AFF3: variants seen among roughly 807,000 people sequenced by gnomAD.
AFF3 encodes the protein AF4/FMR2 family member 3.
A neutral mutation model predicts 129.7 loss-of-function variants in AFF3; 32 were observed. That is an observed-to-expected ratio of 0.25 (90% CI 0.19 to 0.33). The LOEUF is 0.33. AFF3 is among the 10% of genes least tolerant of loss of function. The pLI, the probability that AFF3 is intolerant of heterozygous loss-of-function variation, is 1.00. For synonymous variants in AFF3, 644 were observed against 635.4 expected (o/e 1.01, Z -0.20); for missense variants, 1,373 against 1,592.0 (o/e 0.86, Z 2.34).
intron 13 of AFF3, among the ~76,000 whole-genome samples, chr2:99,604,043 C>T (rs1013383788): frequency 1.6e-4 from 24 of 152,234 alleles, no homozygotes; most frequent in African/African-American, 5.1e-4. Flanking sequence ...ATTAGTTCAA[C>T]CATTGTGGAA....
intron 4 of AFF3, among the ~76,000 whole-genome samples, chr2:100,092,496 C>T (rs1689942855): frequency 6.6e-6 from 1 of 152,202 alleles, no homozygotes; most frequent in Non-Finnish European, 1.5e-5. Flanking sequence ...TTTTGCTCCC[C>T]TGCTTAAAGC....
intron 20 of AFF3, among the ~76,000 whole-genome samples, chr2:99,563,774 C>T (rs1377939428): frequency 2.4e-5 from 3 of 127,216 alleles, no homozygotes; most frequent in Admixed American, 9.5e-5. Context: ...TGTGCCATTG[C>T]ACTCCAGCCT....
intron 8 of AFF3, among the ~76,000 whole-genome samples, chr2:99,807,096 C>A (rs148830346): frequency 2.0e-5 from 3 of 152,302 alleles, no homozygotes; most frequent in Admixed American, 6.5e-5. Context: ...CAGGGCTATC[C>A]CTTGCATTCA....
intron 7 of AFF3, among the ~76,000 whole-genome samples, chr2:99,924,013 T>G (rs775817350): frequency 2.0e-5 from 3 of 152,134 alleles, no homozygotes; most frequent in Non-Finnish European, 2.9e-5. Context: ...CTTAATGCAG[T>G]CTACTGGGAG....
At chr2:99,572,943 G>C (rs545428433) in intron 18 of AFF3, among the ~76,000 whole-genome samples, 1 of 152,088 alleles carries the variant, frequency 6.6e-6, no homozygotes, top group Non-Finnish European at 1.5e-5. Context: ...CCCTGGAACC[G>C]GGCTTCTCCC....
intron 22 of AFF3, among the ~76,000 whole-genome samples, chr2:99,557,763 G>A (rs11890008): frequency 0.086 from 13,127 of 152,168 alleles, 1,898 homozygotes; most frequent in African/African-American, 0.3. Context: ...ATGCACAATT[G>A]GAAGGCAGTG....
chr2:100,136,520 G>T (rs997096270), intron 1 of AFF3, among the ~76,000 whole-genome samples: 8 of 152,172 alleles, frequency 5.3e-5, no homozygotes, highest in African/African-American at 1.9e-4. Flanking sequence ...TGAAATTACT[G>T]ATTTGAAAAG....
At chr2:99,807,725 A>T (rs180818656) in intron 8 of AFF3, among the ~76,000 whole-genome samples, 1 of 152,300 alleles carries the variant, frequency 6.6e-6, no homozygotes, top group East Asian at 1.9e-4. Context: ...TAGCAGGGGG[A>T]CCAGGCACAG....
At chr2:99,600,680 T>TA (rs773110272) in intron 14 of AFF3, among the ~76,000 whole-genome samples, 17 of 152,210 alleles carry the variant, frequency 1.1e-4, no homozygotes, top group Non-Finnish European at 2.4e-4. Context: ...GTTTAGAAAT[T>TA]AGAGTCTACC....
intron 7 of AFF3, among the ~76,000 whole-genome samples, chr2:99,921,455 T>C (rs774950829): frequency 1.2e-4 from 18 of 152,126 alleles, no homozygotes; most frequent in Non-Finnish European, 1.8e-4. Flanking sequence ...GGGAAAATTG[T>C]TGAAATCCAA....
At chr2:99,932,665 T>C (rs1674137408) in intron 7 of AFF3, among the ~76,000 whole-genome samples, 1 of 152,220 alleles carries the variant, frequency 6.6e-6, no homozygotes, top group East Asian at 1.9e-4. Flanking sequence ...TCTGTCCAGC[T>C]AAACTGTAGA....
At chr2:100,092,464 T>TA (rs1444765271) in intron 4 of AFF3, among the ~76,000 whole-genome samples, 1 of 152,008 alleles carries the variant, frequency 6.6e-6, no homozygotes, top group African/African-American at 2.4e-5. Context: ...CTAGAAATAA[T>TA]AAAAAAATGC....
At chr2:99,613,814 C>G (rs1681163195) in intron 13 of AFF3, among the ~76,000 whole-genome samples, 1 of 152,230 alleles carries the variant, frequency 6.6e-6, no homozygotes, top group African/African-American at 2.4e-5. Flanking sequence ...TGCAGGCGAT[C>G]ATCCTTGTTA....
At chr2:99,682,956 T>A (rs2104569611) in intron 11 of AFF3, among the ~76,000 whole-genome samples, 1 of 152,350 alleles carries the variant, frequency 6.6e-6, no homozygotes, top group East Asian at 1.9e-4. Context: ...AGCAGTTTTC[T>A]GTTATTCTTG....
intron 7 of AFF3, among the ~76,000 whole-genome samples, chr2:99,884,305 C>T (rs1037301293): frequency 1.3e-5 from 2 of 152,192 alleles, no homozygotes; most frequent in Non-Finnish European, 2.9e-5. Context: ...ACCTCACGTA[C>T]TTTCGTTGTA....
chr2:99,810,641 A>AGTGTGTGT (rs58509014), intron 8 of AFF3, among the ~76,000 whole-genome samples: 1 of 151,064 alleles, frequency 6.6e-6, no homozygotes, highest in Non-Finnish European at 1.5e-5. Flanking sequence ...CAAGTGTGTG[A>AGTGTGTGT]GTGTGTGTGT....
rs1391722532 is a variant in AFF3, at chr2:99,998,706, A to T, written c.873+7926T>A. 2.6e-5 allele frequency among the ~76,000 whole-genome samples: 4 copies of T among 152,188 alleles called. No homozygotes were observed. The East Asian group carries it at 7.7e-4, about 29-fold the overall frequency. On this transcript the variant is annotated intron_variant, in intron 7 of 24. Transcript: ENST00000672756. ...AGATAACAAATACACAGAGCTCAGG[A>T]GACATACACGGCTTATGTTCACCTA...
chr2:99,698,716 CAG>C (rs1676546302), intron 11 of AFF3, among the ~76,000 whole-genome samples: 2 of 152,210 alleles, frequency 1.3e-5, no homozygotes, highest in South Asian at 4.1e-4. Context: ...CACAGGCACT[CAG>C]TGAGAATATT....
intron 10 of AFF3, among the ~76,000 whole-genome samples, chr2:99,742,205 A>G (rs1018419985): frequency 1.3e-5 from 2 of 152,112 alleles, no homozygotes; most frequent in African/African-American, 2.4e-5. Context: ...AAAATTTTAA[A>G]AAGTGGTATG....
Sources: allele counts gnomAD v4.1 joint callset (sites outside exome capture counted in the v4.1 genomes callset), GRCh38; gene constraint gnomAD v4.1.1; transcripts MANE v1.5; gene names NCBI Gene and HGNC (gene_info 2026-07-23, HGNC 2026-07-21).